OXR1: variants seen among roughly 807,000 people sequenced by gnomAD.
OXR1 encodes oxidation resistance 1, also known as oxidation resistance protein 1.
A neutral mutation model predicts 104.6 loss-of-function variants in OXR1; 41 were observed. That is an observed-to-expected ratio of 0.39 (90% CI 0.31 to 0.51). OXR1 has a LOEUF of 0.51. Ranked by LOEUF, OXR1 falls within the 20% of genes least tolerant of loss-of-function variation. The probability of loss-of-function intolerance (pLI) is 0.77; values close to 1 mark genes in which losing one functional copy is unlikely to be tolerated. For missense variants in OXR1, 955 were observed against 1,031.9 expected (o/e 0.93, Z 1.02); for synonymous variants, 348 against 348.4 (o/e 1.00, Z 0.01).
intron 1 of OXR1, among the ~76,000 whole-genome samples, chr8:106,311,583 C>G (rs1586506330): frequency 6.6e-6 from 1 of 152,132 alleles, no homozygotes; most frequent in East Asian, 1.9e-4. Flanking sequence ...TTTTAGAAGA[C>G]CCAGCTGCTA....
chr8:106,659,881 T>A (rs1342956386), intron 3 of OXR1, among the ~76,000 whole-genome samples: 1 of 152,198 alleles, frequency 6.6e-6, no homozygotes, highest in Non-Finnish European at 1.5e-5. Flanking sequence ...AAGTGGCGCT[T>A]CTGAAGTGAT....
chr8:106,396,426 A>T (rs1467543280), intron 2 of OXR1, among the ~76,000 whole-genome samples: 5 of 152,084 alleles, frequency 3.3e-5, no homozygotes, highest in Non-Finnish European at 7.4e-5. Flanking sequence ...TGTTCCCCAA[A>T]CACATAGTCC....
At chr8:106,443,949 C>T (rs1819900305) in intron 2 of OXR1, among the ~76,000 whole-genome samples, 1 of 151,110 alleles carries the variant, frequency 6.6e-6, no homozygotes, top group Non-Finnish European at 1.5e-5. Context: ...AGCCATCTGA[C>T]AAAGGTCTGA....
chr8:106,710,917 T>C, intron 10 of OXR1, 127 bp downstream of exon 10: 1 of 575,186 alleles, frequency 1.7e-6, no homozygotes, highest in South Asian at 6.7e-5. Context: ...ACAATAAGTC[T>C]ATTTGAAACC....
intron 3 of OXR1, among the ~76,000 whole-genome samples, chr8:106,550,320 A>C (rs1312912201): frequency 6.6e-6 from 1 of 152,216 alleles, no homozygotes; most frequent in Non-Finnish European, 1.5e-5. Context: ...CAGAAATCAC[A>C]GTGTGTTCAC....
chr8:106,679,256 G>A lies in OXR1; in HGVS notation c.267G>A (p.Met89Ile), dbSNP rs149167114. 1.6e-5 allele frequency: 26 copies of A among 1,610,222 alleles called. No individual in the cohort carries two copies. The highest frequency in any genetic ancestry group is 2.2e-5 in the Non-Finnish European group (26 of 1,177,298). ...TAGACAAGAAAGATGGAAGACGAAT[G>A]TCTTTTCAGAAACCTAAAGGGACTA... ...KTLDKKDGRR[M>I]SFQKPKGTIE... The change falls in exon 4 of 17, where the codon ATG (methionine) becomes ATA (isoleucine). Residue 89 changes from methionine to isoleucine, a missense_variant. By Grantham distance (10) the Met-to-Ile change is conservative. Coordinates refer to ENST00000517566, the MANE Select transcript of OXR1 (RefSeq NM_001198533.2).
chr8:106,310,976 G>T (rs1226236226), intron 1 of OXR1, among the ~76,000 whole-genome samples: 2 of 151,874 alleles, frequency 1.3e-5, no homozygotes, highest in Admixed American at 1.3e-4. Flanking sequence ...TTCAGTTCTA[G>T]TGTATTTTCT....
At chr8:106,560,324 GC>G (rs1258422683) in intron 3 of OXR1, among the ~76,000 whole-genome samples, 1 of 152,184 alleles carries the variant, frequency 6.6e-6, no homozygotes, top group Non-Finnish European at 1.5e-5. Flanking sequence ...ACAGATTTCT[GC>G]CCTGTAAGCT....
At chr8:106,558,686 T>G (rs1348920806) in intron 3 of OXR1, among the ~76,000 whole-genome samples, 1 of 152,218 alleles carries the variant, frequency 6.6e-6, no homozygotes, top group Non-Finnish European at 1.5e-5. Flanking sequence ...CTTTTTTTAT[T>G]AGGAACAACC....
intron 1 of OXR1, among the ~76,000 whole-genome samples, chr8:106,342,628 C>T (rs981699835): frequency 1.3e-5 from 2 of 151,960 alleles, no homozygotes; most frequent in Admixed American, 1.3e-4. Flanking sequence ...TGTATTTCAC[C>T]TCTGGGTTGT....
intron 3 of OXR1, among the ~76,000 whole-genome samples, chr8:106,616,409 A>G (rs1020590755): frequency 1.1e-4 from 17 of 151,758 alleles, no homozygotes; most frequent in African/African-American, 4.1e-4. Flanking sequence ...GAAGTTTTAC[A>G]TAAGTTACCT....
chr8:106,702,330 C>T (rs577366960), intron 7 of OXR1, among the ~76,000 whole-genome samples: 1 of 152,176 alleles, frequency 6.6e-6, no homozygotes, highest in South Asian at 2.1e-4. Flanking sequence ...TATATATACA[C>T]TATATACTTT....
intron 2 of OXR1, among the ~76,000 whole-genome samples, chr8:106,404,237 G>T (rs2130484610): frequency 6.6e-6 from 1 of 152,228 alleles, no homozygotes; most frequent in Non-Finnish European, 1.5e-5. Context: ...GCTGCATGGA[G>T]AAGCTTCTTC....
At chr8:106,384,738 T>C (rs1296647247) in intron 2 of OXR1, among the ~76,000 whole-genome samples, 1 of 151,790 alleles carries the variant, frequency 6.6e-6, no homozygotes, top group Non-Finnish European at 1.5e-5. Flanking sequence ...TTTCTTTTTT[T>C]TTTTTTTAAG....
rs1818575901 is a variant in OXR1, at chr8:106,585,688, T to G, written c.220+66549T>G. ...CAAGCCAGGTAAAGGAAGTCAGAAG[T>G]GCCAAAGAGGGGATGTGTCACAATC... is the stretch of plus-strand genomic sequence containing the variant. On this transcript the variant is annotated intron_variant, in intron 3 of 16. Coordinates refer to ENST00000517566, the MANE Select transcript of OXR1 (RefSeq NM_001198533.2). 3.3e-5 allele frequency among the ~76,000 whole-genome samples: 5 copies of G among 152,148 alleles called. No homozygotes were observed. In the South Asian group the frequency reaches 1.0e-3, roughly 32 times the overall value.
intron 3 of OXR1, among the ~76,000 whole-genome samples, chr8:106,629,087 C>G (rs564842900): frequency 2.6e-5 from 4 of 152,076 alleles, no homozygotes; most frequent in Non-Finnish European, 5.9e-5. Context: ...TACTTCATTC[C>G]TCTCCCCCAC....
chr8:106,270,454 C>T (rs2130452313), intron 1 of OXR1, 87 bp downstream of exon 1: 1 of 152,552 alleles, frequency 6.6e-6, no homozygotes, highest in East Asian at 1.9e-4. Flanking sequence ...CGGCTGGCGC[C>T]CGGGAGAGCC....
intron 3 of OXR1, among the ~76,000 whole-genome samples, chr8:106,560,435 A>T (rs1025845274): frequency 6.6e-6 from 1 of 152,138 alleles, no homozygotes; most frequent in African/African-American, 2.4e-5. Flanking sequence ...CTTCTATGGG[A>T]GTTGTGTAAA....
intron 3 of OXR1, among the ~76,000 whole-genome samples, chr8:106,536,120 T>C (rs1008845671): frequency 6.6e-5 from 10 of 151,306 alleles, no homozygotes; most frequent in African/African-American, 2.2e-4. Flanking sequence ...CTCGGGAGGC[T>C]GAGGCAGGAG....
Sources: gnomAD v4.1 joint callset for allele counts (sites outside exome capture counted in the v4.1 genomes callset) on GRCh38, gnomAD v4.1.1 for gene constraint, MANE v1.5 for transcripts, NCBI Gene and HGNC (gene_info 2026-07-23, HGNC 2026-07-21) for gene names.